The following IMMP2L variants were observed in gnomAD, a reference collection of about 807,000 sequenced individuals.
IMMP2L encodes inner mitochondrial membrane peptidase subunit 2.
In IMMP2L, 18 loss-of-function variants were observed where a neutral mutation model predicts 19.3. The observed-to-expected ratio is 0.93, with a 90% CI of 0.64 to 1.38. The LOEUF (loss-of-function observed/expected upper bound fraction) is 1.38. Among genes scored for constraint, IMMP2L ranks in the 40% most tolerant of loss-of-function variants. IMMP2L has a pLI of 0.00. For missense variants in IMMP2L, 233 were observed against 218.2 expected (o/e 1.07, Z -0.43); for synonymous variants, 76 against 73.0 (o/e 1.04, Z -0.21).
chr7:111,214,251 C>T (rs1334015063), intron 3 of IMMP2L, among the ~76,000 whole-genome samples: 1 of 150,802 alleles, frequency 6.6e-6, no homozygotes, highest in Non-Finnish European at 1.5e-5. Context: ...CACTTTGAGT[C>T]CTTCTATGCT....
chr7:111,543,676 A>G (rs1585615720), intron 1 of IMMP2L, among the ~76,000 whole-genome samples: 2 of 152,220 alleles, frequency 1.3e-5, no homozygotes, highest in East Asian at 3.8e-4. Flanking sequence ...CTTTGTTAAA[A>G]GCAAAAGATA....
At chr7:110,943,235 G>A (rs1257251465) in intron 4 of IMMP2L, among the ~76,000 whole-genome samples, 1 of 151,980 alleles carries the variant, frequency 6.6e-6, no homozygotes, top group African/African-American at 2.4e-5. Flanking sequence ...TCAGCTCCTT[G>A]AAAAGAGAGT....
chr7:110,942,839 T>C (rs1361430907), intron 4 of IMMP2L, among the ~76,000 whole-genome samples: 1 of 152,028 alleles, frequency 6.6e-6, no homozygotes, highest in Non-Finnish European at 1.5e-5. Flanking sequence ...CTTTTCCATA[T>C]ACTGCTATAG....
At chr7:110,724,392 A>G (rs1027727001) in intron 5 of IMMP2L, 18 of 152,166 alleles carry the variant, frequency 1.2e-4, no homozygotes, top group African/African-American at 3.9e-4. Flanking sequence ...TTAACTTCCA[A>G]ACTGGGTATC....
intron 3 of IMMP2L, among the ~76,000 whole-genome samples, chr7:111,404,496 T>C (rs866190915): frequency 2.6e-5 from 4 of 152,136 alleles, no homozygotes; most frequent in African/African-American, 9.7e-5. Context: ...CTCAAGACTT[T>C]TAAATGCTTT....
intron 3 of IMMP2L, among the ~76,000 whole-genome samples, chr7:111,274,200 C>T (rs182504633): frequency 6.6e-6 from 1 of 152,136 alleles, no homozygotes; most frequent in Non-Finnish European, 1.5e-5. Context: ...GCAATTCCTA[C>T]AGGAAAAATT....
Position 111,451,274 on chromosome 7 carries a change from G to A in IMMP2L, c.239+35964C>T, listed in dbSNP as rs1334824973. 4.0e-5 allele frequency among the ~76,000 whole-genome samples: 6 copies of A among 149,746 alleles called. No individual in the cohort carries two copies. In the East Asian group the frequency reaches 1.2e-3, roughly 29 times the overall value. On this transcript the variant is annotated intron_variant, in intron 3 of 5. Transcript: ENST00000405709. ...AGACACATGCACACGTATGTTTATT[G>A]CGGCATTATTCACAATAGCAAAGAC...
chr7:111,240,045 G>C (rs200018252), intron 3 of IMMP2L, among the ~76,000 whole-genome samples: 5 of 151,846 alleles, frequency 3.3e-5, no homozygotes, highest in Admixed American at 3.3e-4. Flanking sequence ...TGGATGTTTT[G>C]ACATTGACAA....
intron 3 of IMMP2L, among the ~76,000 whole-genome samples, chr7:110,982,693 T>G (rs2129558299): frequency 6.6e-6 from 1 of 152,268 alleles, no homozygotes; most frequent in East Asian, 1.9e-4. Context: ...ATATCAACAG[T>G]ATATATCAAC....
At chr7:111,035,116 C>A (rs556554782) in intron 3 of IMMP2L, among the ~76,000 whole-genome samples, 1 of 151,912 alleles carries the variant, frequency 6.6e-6, no homozygotes, top group African/African-American at 2.4e-5. Flanking sequence ...TCAAATAAAG[C>A]CCTGCTTCAA....
chr7:111,042,218 G>A (rs1426129238), intron 3 of IMMP2L, among the ~76,000 whole-genome samples: 2 of 151,976 alleles, frequency 1.3e-5, no homozygotes, highest in Non-Finnish European at 2.9e-5. Context: ...CTCGCTCCAT[G>A]GTCCAGGCTG....
chr7:110,714,625 C>G (rs1795118478), intron 5 of IMMP2L, among the ~76,000 whole-genome samples: 1 of 152,114 alleles, frequency 6.6e-6, no homozygotes. Flanking sequence ...TAGGCAGAGT[C>G]TTGCTCTGTC....
chr7:111,064,701 G>T (rs1794331960), intron 3 of IMMP2L, among the ~76,000 whole-genome samples: 1 of 152,164 alleles, frequency 6.6e-6, no homozygotes, highest in Non-Finnish European at 1.5e-5. Context: ...CATTAAACTG[G>T]AAGTTAAGGT....
In IMMP2L at chr7:110,723,420, C is replaced by T. The variant is rs142533524; in HGVS notation, c.409-59699G>A. ...ATCTTGCTCACAAGCAAACAGAAAC[C>T]TACATGCCTGCTAGTGTCTGGTTTT... On this transcript the variant is annotated intron_variant, in intron 5 of 5. Coordinates refer to ENST00000405709, the MANE Select transcript of IMMP2L (RefSeq NM_032549.4). Among the ~76,000 whole-genome samples, 749 of 152,324 alleles carry T rather than the reference C, an allele frequency of 4.9e-3. 8 individuals carry two copies. The highest frequency in any genetic ancestry group is 7.4e-3 in the Non-Finnish European group (504 of 68,018).
At position 110,694,710 on chromosome 7, in the gene IMMP2L, C is replaced by A. The variant is rs117185895; in HGVS notation, c.409-30989G>T. On this transcript the variant is annotated intron_variant, in intron 5 of 5. Transcript: ENST00000405709. ...GTTAAACATAGAATTTATATATGAT[C>A]GAGCAATTTCACTCCTAGGTATATA... 6.9e-4 allele frequency among the ~76,000 whole-genome samples: 105 copies of A among 152,154 alleles called. 2 individuals are homozygous for A. In the East Asian group the frequency reaches 0.015, roughly 22 times the overall value.
chr7:111,299,636 T>G (rs1239203712), intron 3 of IMMP2L, among the ~76,000 whole-genome samples: 1 of 151,500 alleles, frequency 6.6e-6, no homozygotes, highest in Non-Finnish European at 1.5e-5. Context: ...GTGGATCTTT[T>G]GAAAAATAAA....
At chr7:110,791,291 C>T (rs926443778) in intron 5 of IMMP2L, among the ~76,000 whole-genome samples, 1 of 151,348 alleles carries the variant, frequency 6.6e-6, no homozygotes, top group Non-Finnish European at 1.5e-5. Context: ...AAATGGGTTC[C>T]ACTGGCTTGG....
intron 3 of IMMP2L, among the ~76,000 whole-genome samples, chr7:111,046,683 G>A (rs572000995): frequency 7.4e-4 from 113 of 152,236 alleles, no homozygotes; most frequent in African/African-American, 2.5e-3. Context: ...CATAAAAGAT[G>A]AATATCATTC....
chr7:111,301,985 T>C (rs1187043346), intron 3 of IMMP2L, among the ~76,000 whole-genome samples: 1 of 134,966 alleles, frequency 7.4e-6, no homozygotes, highest in East Asian at 2.4e-4. Context: ...TAGAATGATA[T>C]CCTGACTCCT....
Sources: gnomAD v4.1 joint callset for allele counts (sites outside exome capture counted in the v4.1 genomes callset) on GRCh38, gnomAD v4.1.1 for gene constraint, MANE v1.5 for transcripts, NCBI Gene and HGNC (gene_info 2026-07-23, HGNC 2026-07-21) for gene names.